The following CCDC85C variants were observed in gnomAD, a reference collection of about 807,000 sequenced individuals.
CCDC85C encodes coiled-coil domain-containing protein 85C.
CCDC85C carries 18 observed loss-of-function variants against 38.3 expected under a neutral mutation model. That is an observed-to-expected ratio of 0.47 (90% CI 0.33 to 0.70). The LOEUF (loss-of-function observed/expected upper bound fraction) is 0.70. Among genes scored for constraint, CCDC85C ranks in the 30% least tolerant of loss-of-function variants. CCDC85C has a pLI of 0.03. For synonymous variants in CCDC85C, 264 were observed against 293.8 expected, an observed-to-expected ratio of 0.90 and a Z score of 1.04; for missense variants, 566 against 621.2, an observed-to-expected ratio of 0.91 and a Z score of 0.94.
At chr14:99,577,854 A>AGTGT (rs373568172) in intron 1 of CCDC85C, among the ~76,000 whole-genome samples, 1 of 117,258 alleles carries the variant, frequency 8.5e-6, no homozygotes, top group Admixed American at 9.5e-5. Flanking sequence ...ATCCCCCATC[A>AGTGT]GTGTGTGTGT....
intron 1 of CCDC85C, among the ~76,000 whole-genome samples, chr14:99,600,961 G>A (rs987024397): frequency 2.0e-5 from 3 of 152,186 alleles, no homozygotes; most frequent in Non-Finnish European, 2.9e-5. Flanking sequence ...GGAGGTTGAG[G>A]CTGTAGTGAG....
At chr14:99,580,548 C>T (rs1423194399) in intron 1 of CCDC85C, among the ~76,000 whole-genome samples, 1 of 151,632 alleles carries the variant, frequency 6.6e-6, no homozygotes, top group African/African-American at 2.4e-5. Context: ...GGTATGAAAA[C>T]GCCTGGCTAA....
Position 99,522,393 on chromosome 14 carries a change from C to T in CCDC85C, c.868-153G>A, listed in dbSNP as rs74832839. 7 of 562,454 alleles carry T rather than the reference C, an allele frequency of 1.2e-5. No homozygotes were observed. The South Asian group carries it at 1.4e-4, about 11-fold the overall frequency. 34.8% of individuals were successfully genotyped at this position (562,454 alleles called of 1,614,324 possible). A position where few individuals can be genotyped will look rare whatever the true frequency, so the allele number is the denominator to read the frequency against. ...CCCTCCACACCGCTTATCCATCCCC[C>T]GAGCCGGGATCAATCGATCTTCACT... On this transcript the variant is annotated intron_variant, in intron 2 of 5. Transcript: ENST00000380243.
Position 99,506,886 on chromosome 14 carries a change from G to T in CCDC85C, c.*8360C>A, listed in dbSNP as rs1206581736. On this transcript the variant is annotated 3_prime_UTR_variant, in exon 6 of 6. Transcript: ENST00000380243. Reference sequence around the variant, plus strand: ...AAGCTCGCAGGTCTTTTGGAGGGAGGTGGCATTTAATTTGTTAACAGGATT... The same window carrying T: ...AAGCTCGCAGGTCTTTTGGAGGGAGTTGGCATTTAATTTGTTAACAGGATT... 2.6e-5 allele frequency: 15 copies of T among 569,026 alleles called. No individual in the cohort carries two copies. In the South Asian group the frequency reaches 3.0e-4, roughly 12 times the overall value. The allele number at this position is 569,026 out of a possible 1,614,324, so 35.2% of individuals were successfully genotyped here. A position where few individuals can be genotyped will look rare whatever the true frequency, so the allele number is the denominator to read the frequency against.
At chr14:99,540,364 T>C (rs771842375) in intron 1 of CCDC85C, among the ~76,000 whole-genome samples, 39 of 152,070 alleles carry the variant, frequency 2.6e-4, no homozygotes, top group Non-Finnish European at 4.6e-4. Context: ...ACAAGAGTGA[T>C]CTGGGCACTC....
chr14:99,515,041 T>G lies in CCDC85C; in HGVS notation c.*205A>C, dbSNP rs776449511. 9.4e-6 allele frequency: 5 copies of G among 529,172 alleles called. No homozygotes were observed. Among genetic ancestry groups the G allele is most frequent in the Non-Finnish European group, 1.7e-5 (5 of 294,018 alleles). The allele number at this position is 529,172 out of a possible 1,614,324, so 32.8% of individuals were successfully genotyped here. A position where few individuals can be genotyped will look rare whatever the true frequency, so the allele number is the denominator to read the frequency against. ...AGTCGCAGCGTCTCGTCTTCCCAGG[T>G]TGCTGGTGTATGAGGCGGGAGATGG... On this transcript the variant is annotated 3_prime_UTR_variant, in exon 6 of 6. Coordinates refer to ENST00000380243, the MANE Select transcript of CCDC85C (RefSeq NM_001144995.2).
intron 1 of CCDC85C, among the ~76,000 whole-genome samples, chr14:99,586,607 C>T (rs1283223560): frequency 6.6e-6 from 1 of 152,214 alleles, no homozygotes; most frequent in Non-Finnish European, 1.5e-5. Context: ...CCGAGGGTTC[C>T]TCCTCCTGAA....
In CCDC85C at chr14:99,553,519, C is replaced by G. The variant is rs1214309178; in HGVS notation, c.794-17431G>C. ...AAATGGGACTACAGGCACGTGCCAC[C>G]ACGCCCGGCTAATTTTTGTGTTTTT... On this transcript the variant is annotated intron_variant, in intron 1 of 5. Coordinates refer to ENST00000380243, the MANE Select transcript of CCDC85C (RefSeq NM_001144995.2). Among the ~76,000 whole-genome samples the G allele has an allele frequency of 2.0e-5, 3 of 152,196 alleles. No individual in the cohort carries two copies. The East Asian group carries it at 5.8e-4, about 29-fold the overall frequency.
chr14:99,530,958 C>A (rs2030560171), intron 2 of CCDC85C, among the ~76,000 whole-genome samples: 1 of 152,252 alleles, frequency 6.6e-6, no homozygotes, highest in Non-Finnish European at 1.5e-5. Flanking sequence ...AAATAAATTT[C>A]TGTGGTTTAA....
chr14:99,604,051 G>A lies in CCDC85C; in HGVS notation c.-92C>T, dbSNP rs1210682814. 9.2e-6 allele frequency: 9 copies of A among 975,452 alleles called. No homozygotes were observed. The highest frequency in any genetic ancestry group is 6.4e-5 in the Admixed American group (1 of 15,658). The allele number at this position is 975,452 out of a possible 1,614,324, so 60.4% of individuals were successfully genotyped here. Reference sequence around the variant, plus strand: ...CGCTGGGCCGGTCCGCGCGCGGGCGGGGGGCGGCCGGGGGCGCGTGCGGCC... The same window carrying A: ...CGCTGGGCCGGTCCGCGCGCGGGCGAGGGGCGGCCGGGGGCGCGTGCGGCC... On this transcript the variant is annotated 5_prime_UTR_variant, in exon 1 of 6. Transcript: ENST00000380243.
chr14:99,565,303 C>T (rs1898194305), intron 1 of CCDC85C, among the ~76,000 whole-genome samples: 1 of 152,244 alleles, frequency 6.6e-6, no homozygotes, highest in African/African-American at 2.4e-5. Context: ...TCTGAGCAGG[C>T]TCTCTCACGC....
At chr14:99,532,101 C>G (rs1161993427) in intron 2 of CCDC85C, among the ~76,000 whole-genome samples, 2 of 152,228 alleles carry the variant, frequency 1.3e-5, no homozygotes, top group African/African-American at 4.8e-5. Flanking sequence ...ACCCTGCAGC[C>G]CTGTCCTGGA....
At position 99,516,302 on chromosome 14, in the gene CCDC85C, C is replaced by T. The variant is rs1184827192; in HGVS notation, c.1072-16G>A. On this transcript the variant is annotated splice_polypyrimidine_tract_variant and intron_variant, in intron 4 of 5. Transcript: ENST00000380243. The surrounding 1 kb of genome is among the most constrained non-coding windows in gnomAD (Gnocchi z 5.5). ...CCTCCAGGACCTGAAGGGAACGGGT[C>T]TCGGGGTCAGGGGCAGAGGCCACCG... 3 of 1,544,676 alleles carry T rather than the reference C, an allele frequency of 1.9e-6. No homozygotes were observed. In the South Asian group the frequency reaches 3.6e-5, roughly 18 times the overall value.
At chr14:99,536,522 G>A (rs538839906) in intron 1 of CCDC85C, among the ~76,000 whole-genome samples, 19 of 148,240 alleles carry the variant, frequency 1.3e-4, no homozygotes, top group African/African-American at 3.0e-4. Flanking sequence ...CCCCAGGGTC[G>A]GGGTCCGGGG....
At chr14:99,580,294 A>C (rs1332064840) in intron 1 of CCDC85C, among the ~76,000 whole-genome samples, 1 of 151,780 alleles carries the variant, frequency 6.6e-6, no homozygotes, top group East Asian at 1.9e-4. Flanking sequence ...TAAGAGCTCA[A>C]GGCAGAGACT....
intron 1 of CCDC85C, among the ~76,000 whole-genome samples, chr14:99,584,779 A>G (rs986383401): frequency 1.2e-4 from 18 of 152,302 alleles, no homozygotes; most frequent in South Asian, 4.1e-4. Context: ...AGAGCGGGGG[A>G]AAAATCACAC....
intron 5 of CCDC85C, among the ~76,000 whole-genome samples, chr14:99,515,899 CG>C (rs1047600507): frequency 1.4e-4 from 21 of 151,306 alleles, no homozygotes; most frequent in African/African-American, 5.1e-4. Flanking sequence ...AAACCAGTCC[CG>C]GGGGGGTGGG....
chr14:99,545,158 C>G lies in CCDC85C; in HGVS notation c.794-9070G>C, dbSNP rs1401883668. 6.6e-6 allele frequency among the ~76,000 whole-genome samples: 1 copy of G among 152,228 alleles called. No homozygotes were observed. The highest frequency in any genetic ancestry group is 1.5e-5 in the Non-Finnish European group (1 of 68,034). ...CTGTCCTCTCAGTGTCATCTGTCCCCTCGTGGGCCACTCTGCTCTGGGCTG... is the reference window on the plus strand; with the variant it reads ...CTGTCCTCTCAGTGTCATCTGTCCCGTCGTGGGCCACTCTGCTCTGGGCTG... On this transcript the variant is annotated intron_variant, in intron 1 of 5. Transcript: ENST00000380243. The surrounding 1 kb of genome is among the most constrained non-coding windows in gnomAD (Gnocchi z 4.7).
rs181160578 is a variant in CCDC85C at position 99,575,565 on chromosome 14, T to C, written c.793+27602A>G. On this transcript the variant is annotated intron_variant, in intron 1 of 5. Coordinates refer to ENST00000380243, the MANE Select transcript of CCDC85C (RefSeq NM_001144995.2). ...CCCACAAACATATGTGACCACTAAC[T>C]TTCTTCCCCTTAAATGGACAACAGG... Among the ~76,000 whole-genome samples, 800 of 152,334 alleles carry C rather than the reference T, an allele frequency of 5.3e-3. 2 individuals carry two copies. Among genetic ancestry groups the C allele is most frequent in the Non-Finnish European group, 7.5e-3 (513 of 68,032 alleles).
Sources: allele counts gnomAD v4.1 joint callset (sites outside exome capture counted in the v4.1 genomes callset), GRCh38; gene constraint gnomAD v4.1.1; non-coding constraint Gnocchi (gnomAD v3.1); transcripts MANE v1.5; gene names NCBI Gene and HGNC (gene_info 2026-07-23, HGNC 2026-07-21).